Variants in UAP1L1 observed in about 807,000 individuals in gnomAD.
The protein encoded by UAP1L1 is UDP-N-acetylhexosamine pyrophosphorylase-like protein 1.
A neutral mutation model predicts 45.3 loss-of-function variants in UAP1L1; 45 were observed. The observed-to-expected ratio is 0.99, with a 90% CI of 0.78 to 1.27. The LOEUF (loss-of-function observed/expected upper bound fraction) is 1.27. Among genes scored for constraint, UAP1L1 ranks in the 50% most tolerant of loss-of-function variants. The pLI, the probability that UAP1L1 is intolerant of heterozygous loss-of-function variation, is 0.00. For missense variants in UAP1L1, 667 were observed against 694.0 expected (o/e 0.96, Z 0.44); for synonymous variants, 323 against 303.9 (o/e 1.06, Z -0.65).
In UAP1L1 at chr9:137,083,645, C is replaced by G. The variant is rs1444274833; in HGVS notation, c.*916C>G. 6.6e-6 allele frequency: 1 copy of G among 152,314 alleles called. No individual in the cohort carries two copies. Among genetic ancestry groups the G allele is most frequent in the East Asian group, 1.9e-4 (1 of 5,206 alleles). 9.4% of individuals were successfully genotyped at this position (152,314 alleles called of 1,614,324 possible). On this transcript the variant is annotated 3_prime_UTR_variant, in exon 9 of 9. Transcript: ENST00000409858. ...ATCTTGGTGCTCAGGCTGCCTGGCT[C>G]TCCGAGTGAGGACGCAGCCTCCATA...
intron 4 of UAP1L1, 37 bp from the exon 5 acceptor site, chr9:137,079,219 C>T (rs1416618628): frequency 1.3e-6 from 2 of 1,598,000 alleles, no homozygotes; most frequent in African/African-American, 1.3e-5. Flanking sequence ...CGCCCCTCCG[C>T]CCAGCCCTCG....
chr9:137,081,274 G>A (rs534302240), intron 7 of UAP1L1, among the ~76,000 whole-genome samples: 4 of 151,856 alleles, frequency 2.6e-5, no homozygotes, highest in Non-Finnish European at 4.4e-5. Flanking sequence ...ATCTCGGCTC[G>A]CTGCAAGCTC....
Position 137,079,097 on chromosome 9 carries a change from C to G in UAP1L1, c.792C>G (p.Asp264Glu). 1 of 1,611,878 alleles carries G rather than the reference C, an allele frequency of 6.2e-7. No individual in the cohort carries two copies. The highest frequency in any genetic ancestry group is 8.5e-7 in the Non-Finnish European group (1 of 1,179,630). ...ACAACATCCTGGTGCGGCTGGCGGA[C>G]CCTGTCTTCATCGGCTTCTGTGTGT... ...CVDNILVRLA[D>E]PVFIGFCVLQ... Residue 264 changes from aspartate to glutamate, a missense_variant, in exon 4 of 9, where the codon GAC (aspartate) becomes GAG (glutamate). Asp to Glu is a conservative substitution (Grantham distance 45). Transcript: ENST00000409858.
chr9:137,080,808 G>C lies in UAP1L1; in HGVS notation c.1298G>C (p.Arg433Pro). 2 of 1,611,638 alleles carry C rather than the reference G, an allele frequency of 1.2e-6. No homozygotes were observed. The highest frequency in any genetic ancestry group is 8.5e-7 in the Non-Finnish European group (1 of 1,179,778). Residue 433 changes from arginine to proline, a missense_variant, in exon 7 of 9, where the codon CGG becomes CCG. Coordinates refer to ENST00000409858, the MANE Select transcript of UAP1L1 (RefSeq NM_207309.3). Reference protein sequence around the residue: ...ARQALLTQHYRWALRAGARFL... With the variant: ...ARQALLTQHYPWALRAGARFL... ...CAGGCCCTGCTCACCCAGCACTACC[G>C]GTGGGCTCTGCGGGCCGGGGCCCGC...
chr9:137,078,632 G>A lies in UAP1L1; in HGVS notation c.625G>A (p.Gly209Ser), dbSNP rs752876757. The A allele has an allele frequency of 1.2e-6, 2 of 1,612,938 alleles. No individual in the cohort carries two copies. The highest frequency in any genetic ancestry group is 4.5e-5 in the East Asian group (2 of 44,898). The change falls in exon 3 of 9, where the codon GGC becomes AGC. Residue 209 changes from glycine to serine, a missense_variant. Gly to Ser is a moderately conservative substitution (Grantham distance 56, BLOSUM62 0). Transcript: ENST00000409858. ...CCTGCTGCCTGCTGTGACCTTTGAT[G>A]GCAAGGTTATCCTGGAGCGGAAAGA... ...QRLLPAVTFDGKVILERKDKV... is the reference protein window; with the variant it reads ...QRLLPAVTFDSKVILERKDKV...
At position 137,078,591 on chromosome 9, in the gene UAP1L1, T is replaced by C. The variant is rs1564266297; in HGVS notation, c.584T>C (p.Val195Ala). ...TTCCACCTGGACCCCGCCAACGTGG[T>C]CATGTTTGAGCAGCGCCTGCTGCCT... ...NFFHLDPANV[V>A]MFEQRLLPAV... is the part of the protein sequence containing the mutation. Residue 195 changes from valine to alanine, a missense_variant, in exon 3 of 9, where the codon GTC (valine) becomes GCC (alanine). Coordinates refer to ENST00000409858, the MANE Select transcript of UAP1L1 (RefSeq NM_207309.3). 6.2e-7 allele frequency: 1 copy of C among 1,613,144 alleles called. No homozygotes were observed. Among genetic ancestry groups the C allele is most frequent in the South Asian group, 1.1e-5 (1 of 91,080 alleles).
intron 2 of UAP1L1, 78 bp downstream of exon 2, chr9:137,078,332 C>T: frequency 6.5e-7 from 1 of 1,528,532 alleles, no homozygotes; most frequent in Non-Finnish European, 8.8e-7. Flanking sequence ...AGACGCGAGC[C>T]CCAACCCCGG....
Position 137,082,517 on chromosome 9 carries a change from C to T in UAP1L1, c.1432-120C>T, listed in dbSNP as rs1389769561. The stretch of plus-strand genomic sequence containing the variant: ...CCCTGGAAGCCTTTCTGTCCCCACC[C>T]CTCCCTGACTCCAGGCAGACCTGGG... On this transcript the variant is annotated intron_variant, in intron 8 of 8. Coordinates refer to ENST00000409858, the MANE Select transcript of UAP1L1 (RefSeq NM_207309.3). This position sits in a 1 kb window ranked among gnomAD's most constrained non-coding sequence, Gnocchi z 5.7. 1 of 802,050 alleles carries T rather than the reference C, an allele frequency of 1.2e-6. No individual in the cohort carries two copies. The allele number at this position is 802,050 out of a possible 1,614,324, so 49.7% of individuals were successfully genotyped here.
In UAP1L1 at chr9:137,083,069, G is replaced by C. The variant is rs149131950; in HGVS notation, c.*340G>C. ...GAGAATGGGGCTGAGAGGAGGCTTC[G>C]GGTTGGGGCCCAAGGGAGGTGTGGT... On this transcript the variant is annotated 3_prime_UTR_variant, in exon 9 of 9. Transcript: ENST00000409858. The C allele has an allele frequency of 3.4e-6, 1 of 297,606 alleles. No homozygotes were observed. The highest frequency in any genetic ancestry group is 4.3e-5 in the South Asian group (1 of 23,442). 18.4% of individuals were successfully genotyped at this position (297,606 alleles called of 1,614,324 possible).
chr9:137,082,758 G>T lies in UAP1L1; in HGVS notation c.*29G>T. 5 of 1,523,044 alleles carry T rather than the reference G, an allele frequency of 3.3e-6. No homozygotes were observed. Among genetic ancestry groups the T allele is most frequent in the South Asian group, 1.2e-5 (1 of 83,364 alleles). The allele number at this position is 1,523,044 out of a possible 1,614,324, so 94.3% of individuals were successfully genotyped here. A position where few individuals can be genotyped will look rare whatever the true frequency, so the allele number is the denominator to read the frequency against. The stretch of plus-strand genomic sequence containing the variant: ...GCCCAGACTGTCCCCAGACTCCCCC[G>T]AGACCTGCCAGCCCCGGCATCCTGG... On this transcript the variant is annotated 3_prime_UTR_variant, in exon 9 of 9. Coordinates refer to ENST00000409858, the MANE Select transcript of UAP1L1 (RefSeq NM_207309.3). This position sits in a 1 kb window ranked among gnomAD's most constrained non-coding sequence, Gnocchi z 5.7.
Position 137,083,681 on chromosome 9 carries a change from T to G in UAP1L1, c.*952T>G, listed in dbSNP as rs541696385. 1 of 152,358 alleles carries G rather than the reference T, an allele frequency of 6.6e-6. No homozygotes were observed. Among genetic ancestry groups the G allele is most frequent in the East Asian group, 1.9e-4 (1 of 5,192 alleles). 9.4% of individuals were successfully genotyped at this position (152,358 alleles called of 1,614,324 possible). A position where few individuals can be genotyped will look rare whatever the true frequency, so the allele number is the denominator to read the frequency against. ...GACGCAGCCTCCATATTTGGTGCAC[T>G]CAGGCATGGCTGGGACAAGCCAGCT... On this transcript the variant is annotated 3_prime_UTR_variant, in exon 9 of 9. Transcript: ENST00000409858.
At position 137,078,039 on chromosome 9, in the gene UAP1L1, C is replaced by A; in HGVS notation, c.290-11C>A. On this transcript the variant is annotated splice_polypyrimidine_tract_variant and intron_variant, in intron 1 of 8. Coordinates refer to ENST00000409858, the MANE Select transcript of UAP1L1 (RefSeq NM_207309.3). ...GTCCCGGGCGTCCCTTCACGGCGCCCGTACCCCCAGGTTTCCGTCAGATTT... is the reference window on the plus strand; with the variant it reads ...GTCCCGGGCGTCCCTTCACGGCGCCAGTACCCCCAGGTTTCCGTCAGATTT... 6.5e-7 allele frequency: 1 copy of A among 1,547,318 alleles called. No homozygotes were observed. Among genetic ancestry groups the A allele is most frequent in the Non-Finnish European group, 8.7e-7 (1 of 1,146,862 alleles).
chr9:137,079,040 G>A lies in UAP1L1; in HGVS notation c.735G>A (p.Arg245=). 6.2e-7 allele frequency: 1 copy of A among 1,607,730 alleles called. No individual in the cohort carries two copies. Among genetic ancestry groups the A allele is most frequent in the East Asian group, 2.2e-5 (1 of 44,870 alleles). The change falls in exon 4 of 9, where the codon CGG becomes CGA. Residue 245 remains arginine, a synonymous_variant. Transcript: ENST00000409858. The part of the protein sequence containing the change: ...DHKILEDMER[R]GVEFVHVYCV... ...AGATCCTGGAGGACATGGAGCGCCG[G>A]GGAGTGGAGTTTGTGCACGTGTACT...
At position 137,080,822 on chromosome 9, in the gene UAP1L1, G is replaced by C; in HGVS notation, c.1312G>C (p.Ala438Pro). The C allele has an allele frequency of 6.2e-7, 1 of 1,609,620 alleles. No homozygotes were observed. The highest frequency in any genetic ancestry group is 8.5e-7 in the Non-Finnish European group (1 of 1,179,312). ...LTQHYRWALR[A>P]GARFLDAHGA... ...CCAGCACTACCGGTGGGCTCTGCGG[G>C]CCGGGGCCCGCTTCCTGGATGCCCA... The change falls in exon 7 of 9, where the codon GCC becomes CCC. Residue 438 changes from alanine to proline, a missense_variant. Physicochemically the swap from Ala to Pro is conservative, Grantham distance 27. Transcript: ENST00000409858.
chr9:137,078,717 T>G, intron 3 of UAP1L1, 40 bp downstream of exon 3: 1 of 1,581,124 alleles, frequency 6.3e-7, no homozygotes, highest in Non-Finnish European at 8.6e-7. Context: ...CCGCCCAGAC[T>G]AGAACTGGGA....
Position 137,079,117 on chromosome 9 carries a change from G to C in UAP1L1, c.812G>C (p.Cys271Ser). ...RLADPVFIGFCVLQGADCGAK... is the reference protein window; with the variant it reads ...RLADPVFIGFSVLQGADCGAK... ...GCGGACCCTGTCTTCATCGGCTTCT[G>C]TGTGTTGCAGGGCGCAGACTGTGGC... is the stretch of plus-strand genomic sequence containing the variant. Residue 271 changes from cysteine (C) to serine (S), a missense_variant, in exon 4 of 9, where the codon TGT becomes TCT. Cys to Ser is a moderately radical substitution (Grantham distance 112). Transcript: ENST00000409858. 6.2e-7 allele frequency: 1 copy of C among 1,611,752 alleles called. No homozygotes were observed. The highest frequency in any genetic ancestry group is 1.7e-4 in the Middle Eastern group (1 of 6,034).
At position 137,082,562 on chromosome 9, in the gene UAP1L1, G is replaced by T. The variant is rs1425669765; in HGVS notation, c.1432-75G>T. ...CCTGGGATCGCACCTGGGGACTGTGGCTCTTGGTGTGGCCAGAGGGGCTGT... is the reference window on the plus strand; with the variant it reads ...CCTGGGATCGCACCTGGGGACTGTGTCTCTTGGTGTGGCCAGAGGGGCTGT... On this transcript the variant is annotated intron_variant, in intron 8 of 8. Transcript: ENST00000409858. The surrounding 1 kb of genome is among the most constrained non-coding windows in gnomAD (Gnocchi z 5.7). 3.2e-6 allele frequency: 4 copies of T among 1,251,896 alleles called. No individual in the cohort carries two copies. Among genetic ancestry groups the T allele is most frequent in the Admixed American group, 2.0e-5 (1 of 49,630 alleles). The allele number at this position is 1,251,896 out of a possible 1,614,324, so 77.5% of individuals were successfully genotyped here. A position where few individuals can be genotyped will look rare whatever the true frequency, so the allele number is the denominator to read the frequency against.
rs566614489 is a variant in UAP1L1, at chr9:137,082,875, C to T, written c.*146C>T. 10 of 635,362 alleles carry T rather than the reference C, an allele frequency of 1.6e-5. No individual in the cohort carries two copies. Among genetic ancestry groups the T allele is most frequent in the African/African-American group, 1.3e-4 (7 of 54,856 alleles). 39.4% of individuals were successfully genotyped at this position (635,362 alleles called of 1,614,324 possible). A position where few individuals can be genotyped will look rare whatever the true frequency, so the allele number is the denominator to read the frequency against. ...AGCTCTGGGTGGGAAAGCAGCCTGC[C>T]CCATGCTTCCAGCCTGCAGAACACA... On this transcript the variant is annotated 3_prime_UTR_variant, in exon 9 of 9. Transcript: ENST00000409858. The surrounding 1 kb of genome is among the most constrained non-coding windows in gnomAD (Gnocchi z 5.7).
Position 137,083,141 on chromosome 9 carries a change from T to G in UAP1L1, c.*412T>G, listed in dbSNP as rs1386984941. The G allele has an allele frequency of 5.3e-6, 1 of 188,162 alleles. No individual in the cohort carries two copies. The allele number at this position is 188,162 out of a possible 1,614,324, so 11.7% of individuals were successfully genotyped here. A position where few individuals can be genotyped will look rare whatever the true frequency, so the allele number is the denominator to read the frequency against. On this transcript the variant is annotated 3_prime_UTR_variant, in exon 9 of 9. Coordinates refer to ENST00000409858, the MANE Select transcript of UAP1L1 (RefSeq NM_207309.3). ...GGCATGTCCCTTTGGGAGCCCGCCT[T>G]GTGGATCCACCACACCCCACCGAGC...
Sources: gnomAD v4.1 joint callset for allele counts (sites outside exome capture counted in the v4.1 genomes callset) on GRCh38, gnomAD v4.1.1 for gene constraint, Gnocchi (gnomAD v3.1) non-coding constraint, MANE v1.5 for transcripts, NCBI Gene and HGNC (gene_info 2026-07-23, HGNC 2026-07-21) for gene names.